HIVEP3: variants seen among roughly 807,000 people sequenced by gnomAD.
HIVEP3 encodes transcription factor HIVEP3.
A neutral mutation model predicts 152.8 loss-of-function variants in HIVEP3; 49 were observed. The ratio of observed to expected loss-of-function variants is 0.32; its 90% confidence interval spans 0.26 to 0.41. The LOEUF (loss-of-function observed/expected upper bound fraction) is 0.41, where lower values mean the gene tolerates loss of function less well. Ranked by LOEUF, HIVEP3 falls within the 10% of genes least tolerant of loss-of-function variation. The pLI is 1.00. For synonymous variants in HIVEP3, 1,269 were observed against 1,289.0 expected, an observed-to-expected ratio of 0.98 and a Z score of 0.33; for missense variants, 2,790 against 3,103.3, an observed-to-expected ratio of 0.90 and a Z score of 2.40.
chr1:41,694,543 A>G (rs142009839), intron 2 of HIVEP3, among the ~76,000 whole-genome samples: 2,228 of 152,334 alleles, frequency 0.015, 27 homozygotes, highest in Non-Finnish European at 0.018. Flanking sequence ...CCTCTTTCAT[A>G]GGCTTTCATT....
At chr1:41,545,140 TCAC>T (rs374153474) in intron 5 of HIVEP3, among the ~76,000 whole-genome samples, 708 of 46,728 alleles carry the variant, frequency 0.015, 4 homozygotes, top group African/African-American at 0.057. Context: ...ACTACCACCA[TCAC>T]CACCAACACC....
chr1:41,571,723 G>C (rs1187812318), intron 5 of HIVEP3, among the ~76,000 whole-genome samples: 1 of 152,166 alleles, frequency 6.6e-6, no homozygotes, highest in Non-Finnish European at 1.5e-5. Context: ...TTGAAGGCTG[G>C]GTAGGATTTG....
At chr1:41,629,727 C>T (rs545588872) in intron 2 of HIVEP3, among the ~76,000 whole-genome samples, 53 of 152,244 alleles carry the variant, frequency 3.5e-4, no homozygotes, top group Non-Finnish European at 2.9e-5. Flanking sequence ...CAATGAAATG[C>T]CATCTCACAC....
At chr1:41,917,236 T>C (rs1644884770) in intron 1 of HIVEP3, among the ~76,000 whole-genome samples, 1 of 152,106 alleles carries the variant, frequency 6.6e-6, no homozygotes, top group African/African-American at 2.4e-5. Context: ...CACACAAACA[T>C]GGGCTGGAGA....
chr1:41,512,080 T>C (rs1361572290), intron 8 of HIVEP3, among the ~76,000 whole-genome samples: 4 of 151,974 alleles, frequency 2.6e-5, no homozygotes, highest in East Asian at 3.8e-4. Context: ...CAGATGGGGA[T>C]GGGGTGGGGG....
chr1:41,563,444 C>T (rs78996480), intron 5 of HIVEP3, among the ~76,000 whole-genome samples: 114 of 152,210 alleles, frequency 7.5e-4, no homozygotes, highest in African/African-American at 2.3e-3. Context: ...TCTTCCCCTC[C>T]TCCCTGACTT....
intron 1 of HIVEP3, among the ~76,000 whole-genome samples, chr1:41,794,699 C>T (rs538855766): frequency 1.3e-5 from 2 of 152,164 alleles, no homozygotes; most frequent in African/African-American, 4.8e-5. Flanking sequence ...TTTCTTATTA[C>T]TAGGCAAACT....
At chr1:41,561,732 CT>C in intron 5 of HIVEP3, among the ~76,000 whole-genome samples, 1 of 9,008 alleles carries the variant, frequency 1.1e-4, no homozygotes, top group Non-Finnish European at 7.5e-4. Context: ...CCAGGCTGGT[CT>C]CAAACTCCTG....
At chr1:41,845,447 ACACAC>A in intron 1 of HIVEP3, among the ~76,000 whole-genome samples, 1 of 150,416 alleles carries the variant, frequency 6.6e-6, no homozygotes, top group East Asian at 1.9e-4. Flanking sequence ...ACACACACAC[ACACAC>A]ACACACGCCT....
intron 2 of HIVEP3, among the ~76,000 whole-genome samples, chr1:41,665,709 C>CACACACACACACAT (rs943456805): frequency 6.8e-6 from 1 of 146,240 alleles, no homozygotes; most frequent in Non-Finnish European, 1.5e-5. Flanking sequence ...AAATGTTATA[C>CACACACACACACAT]ACACACACAC....
chr1:42,018,274 C>T (rs116356966), intron 1 of HIVEP3, among the ~76,000 whole-genome samples: 1 of 114,254 alleles, frequency 8.8e-6, no homozygotes, highest in African/African-American at 3.1e-5. Flanking sequence ...ATAGTTAGTC[C>T]TTCTGTGTAA....
At chr1:41,731,654 G>T (rs1377196317) in intron 1 of HIVEP3, among the ~76,000 whole-genome samples, 1 of 152,180 alleles carries the variant, frequency 6.6e-6, no homozygotes, top group Non-Finnish European at 1.5e-5. Context: ...TGCCCATGTG[G>T]GGAAGAATGG....
chr1:41,692,349 T>C (rs1429385607), intron 2 of HIVEP3, among the ~76,000 whole-genome samples: 1 of 152,228 alleles, frequency 6.6e-6, no homozygotes, highest in Non-Finnish European at 1.5e-5. Context: ...TGCTTTCTGG[T>C]GTTCCCAAGC....
intron 5 of HIVEP3, among the ~76,000 whole-genome samples, chr1:41,544,494 G>T (rs1427915084): frequency 2.0e-5 from 3 of 151,740 alleles, no homozygotes; most frequent in Admixed American, 2.0e-4. Flanking sequence ...CTATTCTCTA[G>T]GGCATGGAAT....
intron 1 of HIVEP3, among the ~76,000 whole-genome samples, chr1:41,841,246 C>T (rs1643280291): frequency 6.6e-6 from 1 of 152,174 alleles, no homozygotes; most frequent in African/African-American, 2.4e-5. Flanking sequence ...GATTTTTAAA[C>T]ACACCCAGAA....
intron 2 of HIVEP3, among the ~76,000 whole-genome samples, chr1:41,660,981 G>C (rs571945723): frequency 3.3e-5 from 5 of 152,254 alleles, no homozygotes; most frequent in South Asian, 4.2e-4. Context: ...GAACAGAAAG[G>C]GTGTTCTAAG....
At chr1:41,685,356 T>A (rs542807920) in intron 2 of HIVEP3, among the ~76,000 whole-genome samples, 17 of 152,306 alleles carry the variant, frequency 1.1e-4, no homozygotes, top group Non-Finnish European at 1.3e-4. Context: ...GCTTTCTATA[T>A]GTTGAGAGCA....
intron 8 of HIVEP3, 135 bp downstream of exon 8, chr1:41,512,681 T>G: frequency 1.4e-6 from 1 of 738,182 alleles, no homozygotes; most frequent in Non-Finnish European, 2.1e-6. Flanking sequence ...GCCTAATAAA[T>G]GTTTGCGAAA....
chr1:41,818,091 T>C (rs1405020972), intron 1 of HIVEP3, among the ~76,000 whole-genome samples: 2 of 152,086 alleles, frequency 1.3e-5, no homozygotes, highest in Non-Finnish European at 2.9e-5. Flanking sequence ...CATCAATTTC[T>C]AGAATATACA....
Sources: allele counts gnomAD v4.1 joint callset (sites outside exome capture counted in the v4.1 genomes callset), GRCh38; gene constraint gnomAD v4.1.1; transcripts MANE v1.5; gene names NCBI Gene and HGNC (gene_info 2026-07-23, HGNC 2026-07-21).